The following DSE variants were observed in gnomAD, a reference collection of about 807,000 sequenced individuals.
The protein encoded by DSE is dermatan-sulfate epimerase.
DSE carries 36 observed loss-of-function variants against 84.4 expected under a neutral mutation model. That is an observed-to-expected ratio of 0.43 (90% CI 0.33 to 0.56). The LOEUF is 0.56. Among genes scored for constraint, DSE ranks in the 20% least tolerant of loss-of-function variants. The pLI, the probability that DSE is intolerant of heterozygous loss-of-function variation, is 0.06. For missense variants in DSE, 862 were observed against 1,169.6 expected (o/e 0.74, Z 3.84); for synonymous variants, 410 against 430.1 (o/e 0.95, Z 0.58).
chr6:116,388,248 A>G (rs1459709664), intron 1 of DSE, among the ~76,000 whole-genome samples: 1 of 152,210 alleles, frequency 6.6e-6, no homozygotes, highest in Non-Finnish European at 1.5e-5. Context: ...AACTAGGACC[A>G]CTGTTGGTGT....
At chr6:116,395,250 C>G (rs1351856931) in intron 1 of DSE, among the ~76,000 whole-genome samples, 1 of 152,026 alleles carries the variant, frequency 6.6e-6, no homozygotes, top group Non-Finnish European at 1.5e-5. Context: ...AGGGTGAAAC[C>G]CCATCTCTAC....
At chr6:116,391,402 A>G (rs1780894038) in intron 1 of DSE, among the ~76,000 whole-genome samples, 1 of 152,108 alleles carries the variant, frequency 6.6e-6, no homozygotes, top group Non-Finnish European at 1.5e-5. Context: ...ATATACTATC[A>G]TTTCATATTG....
At chr6:116,325,232 C>T (rs1776550919) in intron 2 of DSE, among the ~76,000 whole-genome samples, 1 of 152,172 alleles carries the variant, frequency 6.6e-6, no homozygotes, top group Non-Finnish European at 1.5e-5. Flanking sequence ...CTCATGGTTG[C>T]CTAAATTTTC....
At chr6:116,373,071 AG>A (rs1779703237) in intron 1 of DSE, among the ~76,000 whole-genome samples, 1 of 141,480 alleles carries the variant, frequency 7.1e-6, no homozygotes, top group South Asian at 2.4e-4. Flanking sequence ...AAAAAAAAAA[AG>A]GGCTGGGTGC....
At chr6:116,325,019 G>A (rs1055431386) in intron 2 of DSE, among the ~76,000 whole-genome samples, 1 of 152,194 alleles carries the variant, frequency 6.6e-6, no homozygotes, top group African/African-American at 2.4e-5. Flanking sequence ...CTGGGGTTAG[G>A]TGTGTTTTGG....
chr6:116,394,503 A>G (rs1781117158), intron 1 of DSE, among the ~76,000 whole-genome samples: 1 of 151,802 alleles, frequency 6.6e-6, no homozygotes, highest in African/African-American at 2.4e-5. Flanking sequence ...TGGCACAATT[A>G]TAGCTCACTG....
At chr6:116,373,180 C>T (rs1779712868) in intron 1 of DSE, among the ~76,000 whole-genome samples, 1 of 152,070 alleles carries the variant, frequency 6.6e-6, no homozygotes, top group Non-Finnish European at 1.5e-5. Context: ...TGGTGAAACC[C>T]GGTCTCTACT....
At chr6:116,321,569 C>T (rs979514016) in intron 2 of DSE, among the ~76,000 whole-genome samples, 2 of 151,960 alleles carry the variant, frequency 1.3e-5, no homozygotes, top group African/African-American at 4.8e-5. Flanking sequence ...AGGTGGATCA[C>T]GAGTTCAGGC....
intron 2 of DSE, among the ~76,000 whole-genome samples, chr6:116,312,148 G>C (rs1369137404): frequency 6.6e-6 from 1 of 152,200 alleles, no homozygotes; most frequent in Non-Finnish European, 1.5e-5. Context: ...TTGCAAAAGA[G>C]TGGATTGAGA....
intron 2 of DSE, among the ~76,000 whole-genome samples, chr6:116,282,757 G>C (rs530032507): frequency 1.8e-4 from 28 of 152,122 alleles, no homozygotes; most frequent in South Asian, 6.2e-4. Flanking sequence ...GATTGCTTTC[G>C]GACAAGTGCT....
At chr6:116,380,030 C>T (rs143432490) in intron 1 of DSE, among the ~76,000 whole-genome samples, 3,289 of 152,242 alleles carry the variant, frequency 0.022, 45 homozygotes, top group Middle Eastern at 0.054. Context: ...TATGTGCTTA[C>T]ACCTTTTTTT....
At position 116,439,895 on chromosome 6, in the gene DSE, CTG is replaced by C. The variant is rs1246293280; in HGVS notation, c.*2553_*2554del. 1 of 151,480 alleles carries C rather than the reference CTG, an allele frequency of 6.6e-6. No individual in the cohort carries two copies. Among genetic ancestry groups the C allele is most frequent in the African/African-American group, 2.4e-5 (1 of 41,166 alleles). 9.4% of individuals were successfully genotyped at this position (151,480 alleles called of 1,614,324 possible). ...AGTTCTGTGCTGCAGTGAGCTATGA[CTG>C]TGCCACTGCACTCCAGCCTTGGAGA... On this transcript the variant is annotated 3_prime_UTR_variant, in exon 6 of 6. Transcript: ENST00000644252.
At chr6:116,396,818 G>C (rs575093900) in intron 1 of DSE, among the ~76,000 whole-genome samples, 106 of 152,332 alleles carry the variant, frequency 7.0e-4, no homozygotes, top group Non-Finnish European at 1.1e-3. Context: ...TGAATATACA[G>C]TGATTCTGTG....
At chr6:116,288,670 C>T (rs1372002317) in intron 2 of DSE, among the ~76,000 whole-genome samples, 2 of 152,090 alleles carry the variant, frequency 1.3e-5, no homozygotes, top group Non-Finnish European at 2.9e-5. Context: ...GTAAAAAATT[C>T]AGTTCATCAG....
chr6:116,428,166 G>A (rs1783574982), intron 3 of DSE, among the ~76,000 whole-genome samples: 1 of 152,152 alleles, frequency 6.6e-6, no homozygotes, highest in Non-Finnish European at 1.5e-5. Flanking sequence ...TCCAGCCTTG[G>A]CAACAGAGTG....
At chr6:116,346,766 C>G (rs969973253) in intron 2 of DSE, among the ~76,000 whole-genome samples, 1 of 152,076 alleles carries the variant, frequency 6.6e-6, no homozygotes, top group Non-Finnish European at 1.5e-5. Context: ...GAAGTTCTGG[C>G]CAGGGCAATC....
At chr6:116,274,566 G>A (rs1240808716) in intron 2 of DSE, among the ~76,000 whole-genome samples, 2 of 147,932 alleles carry the variant, frequency 1.4e-5, no homozygotes, top group African/African-American at 5.0e-5. Context: ...AGCAACAAGA[G>A]CAAAACTCTG....
chr6:116,396,186 A>T (rs368102064), intron 1 of DSE, among the ~76,000 whole-genome samples: 9 of 152,314 alleles, frequency 5.9e-5, no homozygotes, highest in African/African-American at 1.9e-4. Context: ...GCCTTTTAAA[A>T]GCCAGATTCA....
chr6:116,302,358 G>T (rs748346930), intron 2 of DSE, among the ~76,000 whole-genome samples: 3 of 152,160 alleles, frequency 2.0e-5, no homozygotes, highest in Admixed American at 2.0e-4. Flanking sequence ...TCTCATTGTG[G>T]TTTTGATTTG....
Sources: allele counts gnomAD v4.1 joint callset (sites outside exome capture counted in the v4.1 genomes callset), GRCh38; gene constraint gnomAD v4.1.1; transcripts MANE v1.5; gene names NCBI Gene and HGNC (gene_info 2026-07-23, HGNC 2026-07-21).